DMXL1: variants seen among roughly 807,000 people sequenced by gnomAD.
DMXL1 encodes Dmx like 1, also known as dmX-like protein 1.
In DMXL1, 99 loss-of-function variants were observed where a neutral mutation model predicts 319.2. The observed-to-expected ratio is 0.31, with a 90% CI of 0.26 to 0.37. The LOEUF is 0.37. Ranked by LOEUF, DMXL1 falls within the 10% of genes least tolerant of loss-of-function variation. DMXL1 has a pLI of 1.00. For missense variants in DMXL1, 3,745 were observed against 3,595.6 expected (o/e 1.04, Z -1.06); for synonymous variants, 1,385 against 1,235.2 (o/e 1.12, Z -2.54).
chr5:119,134,521 A>T (rs911902060), intron 13 of DMXL1, 132 bp downstream of exon 13: 1 of 795,966 alleles, frequency 1.3e-6, no homozygotes, highest in Admixed American at 3.0e-5. Flanking sequence ...TTATTTTTTC[A>T]CATTTGTACT....
chr5:119,155,417 C>T (rs1770792644), intron 19 of DMXL1, among the ~76,000 whole-genome samples: 1 of 152,108 alleles, frequency 6.6e-6, no homozygotes, highest in African/African-American at 2.4e-5. Flanking sequence ...TTCCAGCCTT[C>T]ACAGATGACT....
intron 13 of DMXL1, among the ~76,000 whole-genome samples, chr5:119,135,444 G>GT (rs761352804): frequency 9.5e-4 from 144 of 152,270 alleles, no homozygotes; most frequent in Non-Finnish European, 1.5e-3. Context: ...AACTAGATAC[G>GT]TAGATATTTA....
At chr5:119,169,760 C>T (rs527542514) in intron 23 of DMXL1, among the ~76,000 whole-genome samples, 4 of 151,846 alleles carry the variant, frequency 2.6e-5, no homozygotes, top group African/African-American at 9.7e-5. Flanking sequence ...GTCATGGGGA[C>T]TATATGAATT....
chr5:119,158,092 G>T (rs192549703), intron 19 of DMXL1, among the ~76,000 whole-genome samples: 25 of 151,684 alleles, frequency 1.6e-4, no homozygotes, highest in African/African-American at 5.3e-4. Context: ...GGGTCTTGCT[G>T]TGTTGCCCAG....
chr5:119,173,281 G>A (rs549158810), intron 25 of DMXL1, among the ~76,000 whole-genome samples: 3 of 151,338 alleles, frequency 2.0e-5, no homozygotes, highest in Non-Finnish European at 2.9e-5. Context: ...CAGAGGTTGC[G>A]GTGAGCCAAG....
intron 7 of DMXL1, among the ~76,000 whole-genome samples, chr5:119,118,504 C>T (rs549515631): frequency 5.9e-5 from 9 of 151,948 alleles, no homozygotes; most frequent in Admixed American, 2.6e-4. Flanking sequence ...CAGGATGAGG[C>T]GGGAGGATTA....
chr5:119,088,584 C>T (rs1239112638), intron 1 of DMXL1, among the ~76,000 whole-genome samples: 4 of 151,978 alleles, frequency 2.6e-5, no homozygotes, highest in Non-Finnish European at 5.9e-5. Context: ...TACTGTTATC[C>T]TTTGTGGTTA....
At chr5:119,114,378 G>T (rs1032823726) in intron 5 of DMXL1, 97 bp from the exon 6 acceptor site, 1 of 828,998 alleles carries the variant, frequency 1.2e-6, no homozygotes, top group Non-Finnish European at 1.9e-6. Context: ...AACATTTTCT[G>T]TCTTTTGAAC....
In DMXL1 at chr5:119,114,528, C is replaced by A. The variant is rs865815924; in HGVS notation, c.551C>A (p.Ala184Asp). Residue 184 changes from alanine to aspartate, a missense_variant, in exon 6 of 44, where the codon GCC (alanine) becomes GAC (aspartate). Physicochemically the swap from Ala to Asp is moderately radical, Grantham distance 126. Around this residue, in one of 4 missense-constraint regions of DMXL1, gnomAD observed 2,096 missense variants for 1,985.4 expected, o/e 1.06. Transcript: ENST00000539542. ...MKFSPDGEFF[A>D]TAGKDDCLLK... is the part of the protein sequence containing the mutation. ...TTTTCACCAGATGGAGAATTTTTTG[C>A]CACTGCTGGGAAGGTAAATTGTGAA... 6.2e-7 allele frequency: 1 copy of A among 1,608,050 alleles called. No individual in the cohort carries two copies. The highest frequency in any genetic ancestry group is 1.1e-5 in the South Asian group (1 of 89,688).
rs147128312 is a variant in DMXL1, at chr5:119,141,147, C to T, written c.2377-2694C>T. On this transcript the variant is annotated intron_variant, in intron 13 of 43. Coordinates refer to ENST00000539542, the MANE Select transcript of DMXL1 (RefSeq NM_001290321.3). Reference sequence around the variant, plus strand: ...TCTTTGACAGACTCTCAGCCAACATCATACTGAATGGGCAAAAGCTGGAAG... The same window carrying T: ...TCTTTGACAGACTCTCAGCCAACATTATACTGAATGGGCAAAAGCTGGAAG... Among the ~76,000 whole-genome samples the T allele has an allele frequency of 3.3e-4, 50 of 152,282 alleles. 1 individual carries two copies. The East Asian group carries it at 9.5e-3, about 29-fold the overall frequency.
chr5:119,125,757 G>T (rs578045422), intron 9 of DMXL1, among the ~76,000 whole-genome samples: 2 of 151,914 alleles, frequency 1.3e-5, no homozygotes, highest in Admixed American at 6.6e-5. Flanking sequence ...ATAAAGGCGG[G>T]GTTTCACCAT....
chr5:119,177,399 A>G lies in DMXL1; in HGVS notation c.6801A>G (p.Thr2267=), dbSNP rs749679311. 3.7e-6 allele frequency: 6 copies of G among 1,603,350 alleles called. No homozygotes were observed. The highest frequency in any genetic ancestry group is 2.7e-5 in the African/African-American group (2 of 74,754). ...AGTTTACTGGAATGGTATATCAGAC[A>G]GTACTGCTTCCTCATCGACCTTCTT... ...TNQFTGMVYQ[T]VLLPHRPSLK... The change falls in exon 27 of 44, where the codon ACA becomes ACG. Residue 2267 remains threonine, a synonymous_variant. Coordinates refer to ENST00000539542, the MANE Select transcript of DMXL1 (RefSeq NM_001290321.3).
chr5:119,216,835 T>A, intron 34 of DMXL1, 66 bp from the exon 35 acceptor site: 1 of 800,718 alleles, frequency 1.2e-6, no homozygotes, highest in Non-Finnish European at 2.1e-6. Context: ...ATTGATAGAT[T>A]GGCATATATT....
At position 119,203,496 on chromosome 5, in the gene DMXL1, T is replaced by C. The variant is rs1306800067; in HGVS notation, c.7863+60T>C. 4 of 991,038 alleles carry C rather than the reference T, an allele frequency of 4.0e-6. No individual in the cohort carries two copies. In the African/African-American group the frequency reaches 5.0e-5, roughly 12 times the overall value. 61.4% of individuals were successfully genotyped at this position (991,038 alleles called of 1,614,324 possible). A position where few individuals can be genotyped will look rare whatever the true frequency, so the allele number is the denominator to read the frequency against. On this transcript the variant is annotated intron_variant, in intron 33 of 43. Transcript: ENST00000539542. Reference sequence around the variant, plus strand: ...TATTGAAGTCTTTTATATTATCATGTAACCATTAAAATGAGTTGTATTTTA... The same window carrying C: ...TATTGAAGTCTTTTATATTATCATGCAACCATTAAAATGAGTTGTATTTTA...
intron 8 of DMXL1, among the ~76,000 whole-genome samples, chr5:119,119,874 G>C (rs1299909883): frequency 6.6e-6 from 1 of 151,494 alleles, no homozygotes; most frequent in East Asian, 1.9e-4. Context: ...TTTTGGGTGG[G>C]GGAGTTGTTT....
chr5:119,216,744 GT>G (rs1309610974), intron 34 of DMXL1, among the ~76,000 whole-genome samples, 156 bp from the exon 35 acceptor site: 1 of 151,958 alleles, frequency 6.6e-6, no homozygotes, highest in African/African-American at 2.4e-5. Context: ...GTCAAATTTT[GT>G]TTTAGGGATA....
chr5:119,094,202 G>T (rs1423612179), intron 1 of DMXL1, among the ~76,000 whole-genome samples: 9 of 152,224 alleles, frequency 5.9e-5, no homozygotes. Context: ...AGAGGTCAAT[G>T]CCTGGCTTCA....
At chr5:119,117,634 G>A (rs1285191766) in intron 7 of DMXL1, among the ~76,000 whole-genome samples, 1 of 151,968 alleles carries the variant, frequency 6.6e-6, no homozygotes, top group Non-Finnish European at 1.5e-5. Context: ...GCCTGGAAAG[G>A]CTGTGAAAGC....
Position 119,244,506 on chromosome 5 carries a change from C to T in DMXL1, c.8852C>T (p.Pro2951Leu), listed in dbSNP as rs1789389245. Residue 2951 changes from proline to leucine, a missense_variant, in exon 43 of 44, where the codon CCT becomes CTT. Around this residue, in one of 4 missense-constraint regions of DMXL1, gnomAD observed 262 missense variants for 320.5 expected, o/e 0.82. Coordinates refer to ENST00000539542, the MANE Select transcript of DMXL1 (RefSeq NM_001290321.3). The stretch of plus-strand genomic sequence containing the variant: ...CAGCTTTTCCAGAGCCATGATTCTC[C>T]TGTTAAAGCCGTTGCTGTTGATCCA... ...QRQLFQSHDSPVKAVAVDPTE... is the reference protein window; with the variant it reads ...QRQLFQSHDSLVKAVAVDPTE... The T allele has an allele frequency of 1.2e-6, 2 of 1,614,042 alleles. No individual in the cohort carries two copies. The highest frequency in any genetic ancestry group is 2.2e-5 in the East Asian group (1 of 44,884).
Sources: allele counts gnomAD v4.1 joint callset (sites outside exome capture counted in the v4.1 genomes callset), GRCh38; gene constraint gnomAD v4.1.1; regional missense constraint gnomAD v4.1.1; transcripts MANE v1.5; gene names NCBI Gene and HGNC (gene_info 2026-07-23, HGNC 2026-07-21).